SLC9A7: variants seen among roughly 807,000 people sequenced by gnomAD.
SLC9A7 encodes the protein solute carrier family 9 member A7, also known as sodium/hydrogen exchanger 7.
A neutral mutation model predicts 52.6 loss-of-function variants in SLC9A7; 19 were observed. The observed-to-expected ratio is 0.36, with a 90% CI of 0.25 to 0.53. The LOEUF is 0.53. Among genes scored for constraint, SLC9A7 ranks in the 20% least tolerant of loss-of-function variants. SLC9A7 has a pLI of 0.91. For synonymous variants in SLC9A7, 226 were observed against 252.1 expected (o/e 0.90, Z 0.98); for missense variants, 455 against 597.9 (o/e 0.76, Z 2.49).
chrX:46,668,934 A>G (rs758210519), intron 5 of SLC9A7, among the ~76,000 whole-genome samples: 11 of 111,352 alleles, frequency 9.9e-5, no homozygotes, highest in South Asian at 7.5e-4. Context: ...TTGGGAGGCC[A>G]AGGCGGGTGG....
chrX:46,668,540 A>T (rs1943961331), intron 5 of SLC9A7, among the ~76,000 whole-genome samples: 1 of 111,982 alleles, frequency 8.9e-6, no homozygotes, highest in African/African-American at 3.2e-5. Context: ...AAAACATGCT[A>T]TACAGATACA....
intron 12 of SLC9A7, among the ~76,000 whole-genome samples, chrX:46,636,884 G>A (rs1352870621): frequency 8.9e-6 from 1 of 112,136 alleles, no homozygotes; most frequent in Non-Finnish European, 1.9e-5. Flanking sequence ...AGGACACGAT[G>A]CTTCTTAAGG....
At chrX:46,718,774 G>C (rs766171761) in intron 1 of SLC9A7, among the ~76,000 whole-genome samples, 1 of 111,774 alleles carries the variant, frequency 8.9e-6, no homozygotes, top group Non-Finnish European at 1.9e-5. Context: ...TTAGAATGGC[G>C]ATCATTAAAA....
At chrX:46,608,875 A>C (rs1031461985) in intron 16 of SLC9A7, among the ~76,000 whole-genome samples, 1 of 110,187 alleles carries the variant, frequency 9.1e-6, no homozygotes. Flanking sequence ...CAAACTCCTG[A>C]CCTCAGGTGA....
At chrX:46,689,524 T>C (rs1944350525) in intron 1 of SLC9A7, among the ~76,000 whole-genome samples, 1 of 111,228 alleles carries the variant, frequency 9.0e-6, no homozygotes, top group Non-Finnish European at 1.9e-5. Context: ...GTGGGACTGC[T>C]CGGTCATATG....
At position 46,669,705 on chromosome X, in the gene SLC9A7, C is replaced by T; in HGVS notation, c.695G>A (p.Gly232Asp). 8.8e-7 allele frequency: 1 copy of T among 1,133,104 alleles called. No homozygotes were observed. The allele number at this position is 1,133,104 out of a possible 1,213,427, so 93.4% of individuals were successfully genotyped here. A position where few individuals can be genotyped will look rare whatever the true frequency, so the allele number is the denominator to read the frequency against. ...SCFIIGNLMY[G>D]VVKLMKIMGQ... is the part of the protein sequence containing the mutation. The stretch of plus-strand genomic sequence containing the variant: ...CATAATCTTCATGAGCTTCACCACA[C>T]CATACATGAGATTTCTGTAAGAAGG... The change falls in exon 5 of 17, where the codon GGT (glycine) becomes GAT (aspartate). Residue 232 changes from glycine (G) to aspartate (D), a missense_variant. Physicochemically the swap from Gly to Asp is moderately conservative, Grantham distance 94. Around this residue, in one of 3 missense-constraint regions of SLC9A7, gnomAD observed 304 missense variants for 417.8 expected, o/e 0.73. Coordinates refer to ENST00000616978, the MANE Select transcript of SLC9A7 (RefSeq NM_001257291.2).
At chrX:46,756,662 C>T (rs138741841) in intron 1 of SLC9A7, among the ~76,000 whole-genome samples, 270 of 112,027 alleles carry the variant, frequency 2.4e-3, no homozygotes, top group African/African-American at 8.4e-3. Context: ...TTTGGCATAA[C>T]CTGAGACATC....
At chrX:46,716,055 G>A (rs1311762956) in intron 1 of SLC9A7, among the ~76,000 whole-genome samples, 1 of 111,424 alleles carries the variant, frequency 9.0e-6, no homozygotes. Context: ...GACAGCCCCT[G>A]ACTTATAATA....
At chrX:46,678,824 GT>G (rs1944164821) in intron 3 of SLC9A7, among the ~76,000 whole-genome samples, 1 of 111,586 alleles carries the variant, frequency 9.0e-6, no homozygotes, top group Non-Finnish European at 1.9e-5. Flanking sequence ...CCTTCACCCA[GT>G]TTCCCCCAAT....
chrX:46,682,633 G>GT lies in SLC9A7; in HGVS notation c.326-99dup, dbSNP rs199708221. The GT allele has an allele frequency of 0.018, 14,498 of 784,338 alleles. 1,127 individuals carry two copies. The African/African-American group carries it at 0.24, about 13-fold the overall frequency. 64.6% of individuals were successfully genotyped at this position (784,338 alleles called of 1,213,427 possible). On this transcript the variant is annotated intron_variant, in intron 1 of 16. Transcript: ENST00000616978. ...CTTTCAACAACTAAGAAATGCAGCA[G>GT]TAATCTTAGAAACTGGGCATGGGGT...
chrX:46,656,660 G>A (rs981843902), intron 7 of SLC9A7, among the ~76,000 whole-genome samples: 1 of 111,570 alleles, frequency 9.0e-6, no homozygotes, highest in African/African-American at 3.3e-5. Flanking sequence ...AGCGAGAAAG[G>A]AAGTTTAGAG....
intron 1 of SLC9A7, among the ~76,000 whole-genome samples, chrX:46,753,308 C>A (rs1922372549): frequency 8.9e-6 from 1 of 111,823 alleles, no homozygotes. Flanking sequence ...ACTCATCCTG[C>A]TCCCAAAGGA....
chrX:46,669,893 G>C (rs895414988), intron 4 of SLC9A7, among the ~76,000 whole-genome samples, 174 bp from the exon 5 acceptor site: 3 of 112,277 alleles, frequency 2.7e-5, no homozygotes, highest in African/African-American at 9.7e-5. Flanking sequence ...TCAAGTAATA[G>C]TTTGCAGTTA....
intron 7 of SLC9A7, among the ~76,000 whole-genome samples, chrX:46,657,238 G>A (rs1943716396): frequency 9.0e-6 from 1 of 110,583 alleles, no homozygotes; most frequent in African/African-American, 3.3e-5. Flanking sequence ...AACATAGAAA[G>A]GAACAACCGG....
At chrX:46,681,540 G>C (rs1944210055) in intron 2 of SLC9A7, among the ~76,000 whole-genome samples, 1 of 111,927 alleles carries the variant, frequency 8.9e-6, no homozygotes, top group South Asian at 3.7e-4. Flanking sequence ...TGGAGCACAG[G>C]CTACACTCTG....
chrX:46,675,061 A>ATATG (rs1944091984), intron 3 of SLC9A7, among the ~76,000 whole-genome samples: 2 of 68,863 alleles, frequency 2.9e-5, no homozygotes, highest in Non-Finnish European at 5.9e-5. Flanking sequence ...GAGAGAGTGA[A>ATATG]TGTGTGTGTG....
At chrX:46,655,476 G>A (rs1364187370) in intron 7 of SLC9A7, among the ~76,000 whole-genome samples, 2 of 111,789 alleles carry the variant, frequency 1.8e-5, no homozygotes, top group East Asian at 5.6e-4. Flanking sequence ...CATCTCACTA[G>A]GGAGTGCCAG....
chrX:46,710,761 TG>T (rs1370179691), intron 1 of SLC9A7, among the ~76,000 whole-genome samples: 7 of 105,254 alleles, frequency 6.7e-5, no homozygotes, highest in African/African-American at 2.5e-4. Flanking sequence ...AGCAAGGAGA[TG>T]GACCCATCAG....
In SLC9A7 at chrX:46,607,183, C is replaced by T; in HGVS notation, c.1950G>A (p.Glu650=). ...CGGTCAGGATGAAATCAGAGTCTTC[C>T]TCTCTCAGTGGCTCTTGGTTCTGAA... ...QVYDNQEPLR[E]EDSDFILTEG... is the part of the protein sequence containing the mutation. The change falls in exon 17 of 17, where the codon GAG becomes GAA. Residue 650 remains glutamate, a synonymous_variant. Coordinates refer to ENST00000616978, the MANE Select transcript of SLC9A7 (RefSeq NM_001257291.2). The T allele has an allele frequency of 1.7e-6, 2 of 1,210,653 alleles. No individual in the cohort carries two copies. The highest frequency in any genetic ancestry group is 2.2e-6 in the Non-Finnish European group (2 of 894,998).
Sources: allele counts gnomAD v4.1 joint callset (sites outside exome capture counted in the v4.1 genomes callset), GRCh38; gene constraint gnomAD v4.1.1; regional missense constraint gnomAD v4.1.1; transcripts MANE v1.5; gene names NCBI Gene and HGNC (gene_info 2026-07-23, HGNC 2026-07-21).